The following RSPH9 variants were observed in gnomAD, a reference collection of about 807,000 sequenced individuals.
The protein encoded by RSPH9 is radial spoke head protein 9 homolog.
RSPH9 carries 27 observed loss-of-function variants against 27.0 expected under a neutral mutation model. The ratio of observed to expected loss-of-function variants is 1.00; its 90% confidence interval spans 0.74 to 1.38. The LOEUF (loss-of-function observed/expected upper bound fraction) is 1.38, where lower values mean the gene tolerates loss of function less well. RSPH9 is among the 40% of genes most tolerant of loss of function. RSPH9 has a pLI of 0.00. For missense variants in RSPH9, 347 were observed against 357.4 expected (o/e 0.97, Z 0.24); for synonymous variants, 145 against 147.7 (o/e 0.98, Z 0.13).
chr6:43,663,803 G>A (rs939169526), intron 4 of RSPH9, among the ~76,000 whole-genome samples: 7 of 151,996 alleles, frequency 4.6e-5, no homozygotes, highest in Non-Finnish European at 1.0e-4. Context: ...GCCGAGGTGG[G>A]CGGATCACTA....
At chr6:43,647,519 C>T (rs1771014821) in intron 1 of RSPH9, among the ~76,000 whole-genome samples, 1 of 152,126 alleles carries the variant, frequency 6.6e-6, no homozygotes, top group African/African-American at 2.4e-5. Context: ...GGACATGTAA[C>T]TCATTGAATA....
intron 1 of RSPH9, 66 bp downstream of exon 1, chr6:43,645,391 G>GGGGGGT: frequency 5.0e-6 from 2 of 400,202 alleles, no homozygotes; most frequent in Admixed American, 2.9e-5. Context: ...GGGTGGGCGG[G>GGGGGGT]TCGCAGCAAT....
chr6:43,671,928 G>A lies in RSPH9; in HGVS notation c.*979G>A. Reference sequence around the variant, plus strand: ...GTACCTGTGGAGGGAGAACAAAGAGGTGCCTGTGAGGGCTGGGGGCCCAAG... The same window carrying A: ...GTACCTGTGGAGGGAGAACAAAGAGATGCCTGTGAGGGCTGGGGGCCCAAG... On this transcript the variant is annotated 3_prime_UTR_variant, in exon 5 of 5. Transcript: ENST00000372163. 6.4e-7 allele frequency: 1 copy of A among 1,574,462 alleles called. No homozygotes were observed. The highest frequency in any genetic ancestry group is 8.6e-7 in the Non-Finnish European group (1 of 1,158,864).
At position 43,671,589 on chromosome 6, in the gene RSPH9, G is replaced by T; in HGVS notation, c.*640G>T. On this transcript the variant is annotated 3_prime_UTR_variant, in exon 5 of 5. Coordinates refer to ENST00000372163, the MANE Select transcript of RSPH9 (RefSeq NM_152732.5). ...GCCTCTAGCTCCCAGCATTGCTACT[G>T]TGCAGGCCAAGGGTACTGAAGTTAG... The T allele has an allele frequency of 1.4e-6, 1 of 721,594 alleles. No individual in the cohort carries two copies. The highest frequency in any genetic ancestry group is 2.3e-6 in the Non-Finnish European group (1 of 438,420). 44.7% of individuals were successfully genotyped at this position (721,594 alleles called of 1,614,324 possible). A position where few individuals can be genotyped will look rare whatever the true frequency, so the allele number is the denominator to read the frequency against.
At chr6:43,646,647 G>A (rs1463877545) in intron 1 of RSPH9, among the ~76,000 whole-genome samples, 1 of 139,222 alleles carries the variant, frequency 7.2e-6, no homozygotes, top group Admixed American at 7.3e-5. Context: ...GGGCAATATA[G>A]CAAGACCTCA....
chr6:43,666,131 C>A (rs754227566), intron 4 of RSPH9, among the ~76,000 whole-genome samples: 2 of 152,158 alleles, frequency 1.3e-5, no homozygotes, highest in Non-Finnish European at 2.9e-5. Flanking sequence ...CAGCCTAGGC[C>A]CACCTTTTTC....
At chr6:43,666,548 C>G (rs1272161679) in intron 4 of RSPH9, 3 of 1,448,536 alleles carry the variant, frequency 2.1e-6, no homozygotes, top group Admixed American at 2.0e-5. Flanking sequence ...CATCTTGTCC[C>G]TTGGCCAAAG....
intron 4 of RSPH9, among the ~76,000 whole-genome samples, chr6:43,658,767 A>G (rs1298935512): frequency 6.6e-6 from 1 of 152,036 alleles, no homozygotes; most frequent in Non-Finnish European, 1.5e-5. Context: ...GATGGTCTCA[A>G]TCTCCTGACC....
intron 4 of RSPH9, among the ~76,000 whole-genome samples, chr6:43,668,576 G>T (rs1176123878): frequency 2.0e-5 from 3 of 152,170 alleles, no homozygotes; most frequent in African/African-American, 7.2e-5. Context: ...CCCGCCCCCT[G>T]CATTATCTAC....
At chr6:43,664,894 A>G (rs1189301519) in intron 4 of RSPH9, among the ~76,000 whole-genome samples, 1 of 152,152 alleles carries the variant, frequency 6.6e-6, no homozygotes. Context: ...GGAGCCTGGA[A>G]CGGCGGTGGT....
At chr6:43,652,615 G>A (rs1771594780) in intron 2 of RSPH9, among the ~76,000 whole-genome samples, 1 of 151,574 alleles carries the variant, frequency 6.6e-6, no homozygotes, top group African/African-American at 2.4e-5. Flanking sequence ...TAGTAGAGAC[G>A]GGGTTTCACC....
chr6:43,667,863 G>A (rs2127931584), intron 4 of RSPH9, among the ~76,000 whole-genome samples: 1 of 152,232 alleles, frequency 6.6e-6, no homozygotes, highest in East Asian at 1.9e-4. Context: ...GACAGCCCTG[G>A]TCCCCAGCCT....
Position 43,656,610 on chromosome 6 carries a change from C to T in RSPH9, c.557C>T (p.Ser186Phe), listed in dbSNP as rs1772073700. 6.2e-7 allele frequency: 1 copy of T among 1,614,076 alleles called. No individual in the cohort carries two copies. Among genetic ancestry groups the T allele is most frequent in the Admixed American group, 1.7e-5 (1 of 59,998 alleles). ...LSLSEAKKLS[S>F]YFHFREPVEL... ...TTGTCTGAGGCCAAGAAGCTCAGCT[C>T]CTACTTCCATTTCAGGGAGCCTGTT... The change falls in exon 4 of 5, where the codon TCC becomes TTC. Residue 186 changes from serine to phenylalanine, a missense_variant. Ser to Phe is a radical substitution (Grantham distance 155). Coordinates refer to ENST00000372163, the MANE Select transcript of RSPH9 (RefSeq NM_152732.5).
chr6:43,671,527 C>T lies in RSPH9; in HGVS notation c.*578C>T. The T allele has an allele frequency of 3.5e-6, 2 of 577,862 alleles. No individual in the cohort carries two copies. The highest frequency in any genetic ancestry group is 6.2e-6 in the Non-Finnish European group (2 of 324,626). 35.8% of individuals were successfully genotyped at this position (577,862 alleles called of 1,614,324 possible). A position where few individuals can be genotyped will look rare whatever the true frequency, so the allele number is the denominator to read the frequency against. On this transcript the variant is annotated 3_prime_UTR_variant, in exon 5 of 5. Transcript: ENST00000372163. ...CCCCAGCACTGAGCATGGCCTAAGC[C>T]CCATAGCAGCTGGCAAGGGACCCAA...
intron 2 of RSPH9, among the ~76,000 whole-genome samples, chr6:43,653,866 A>G (rs1771748657): frequency 6.6e-6 from 1 of 151,996 alleles, no homozygotes; most frequent in South Asian, 2.1e-4. Flanking sequence ...CTAATTTTGT[A>G]TTTTTGGTAG....
chr6:43,647,134 A>G (rs983530865), intron 1 of RSPH9, among the ~76,000 whole-genome samples: 11 of 136,114 alleles, frequency 8.1e-5, no homozygotes, highest in African/African-American at 2.5e-4. Context: ...GTCTCAAAAC[A>G]AATAAATAAA....
Position 43,671,647 on chromosome 6 carries a change from G to T in RSPH9, c.*698G>T. ...GTCCCCTGTCCATGCATGTTGGAGG[G>T]ACCAGGCCATCGTGGTGGGGTGGGA... On this transcript the variant is annotated 3_prime_UTR_variant, in exon 5 of 5. Coordinates refer to ENST00000372163, the MANE Select transcript of RSPH9 (RefSeq NM_152732.5). 1.6e-6 allele frequency: 2 copies of T among 1,258,696 alleles called. No individual in the cohort carries two copies. Among genetic ancestry groups the T allele is most frequent in the Non-Finnish European group, 2.3e-6 (2 of 877,898 alleles). The allele number at this position is 1,258,696 out of a possible 1,614,324, so 78.0% of individuals were successfully genotyped here. A position where few individuals can be genotyped will look rare whatever the true frequency, so the allele number is the denominator to read the frequency against.
At chr6:43,669,165 ACTTT>A (rs113788892) in intron 4 of RSPH9, among the ~76,000 whole-genome samples, 6 of 152,304 alleles carry the variant, frequency 3.9e-5, no homozygotes, top group African/African-American at 1.2e-4. Flanking sequence ...CAGGGGCACT[ACTTT>A]CTTCTTGATG....
intron 4 of RSPH9, among the ~76,000 whole-genome samples, chr6:43,667,209 G>C (rs1269387232): frequency 6.6e-6 from 1 of 152,224 alleles, no homozygotes; most frequent in African/African-American, 2.4e-5. Flanking sequence ...TGAAACAGAG[G>C]ATGGGAAAGG....
Sources: allele counts gnomAD v4.1 joint callset (sites outside exome capture counted in the v4.1 genomes callset), GRCh38; gene constraint gnomAD v4.1.1; transcripts MANE v1.5; gene names NCBI Gene and HGNC (gene_info 2026-07-23, HGNC 2026-07-21).